PRKCA: variants seen among roughly 807,000 people sequenced by gnomAD.
PRKCA encodes protein kinase C alpha type.
In PRKCA, 27 loss-of-function variants were observed where a neutral mutation model predicts 87.0. The ratio of observed to expected loss-of-function variants is 0.31; its 90% CI spans 0.23 to 0.43. The LOEUF is 0.43. Ranked by LOEUF, PRKCA falls within the 20% of genes least tolerant of loss-of-function variation. The pLI, the probability that PRKCA is intolerant of heterozygous loss-of-function variation, is 1.00. For missense variants in PRKCA, 518 were observed against 852.3 expected (o/e 0.61, Z 4.88); for synonymous variants, 329 against 311.1 (o/e 1.06, Z -0.61).
chr17:66,342,441 AAATAATAATAATAATAATAATAAT>A (rs199510095), intron 2 of PRKCA, among the ~76,000 whole-genome samples: 6 of 142,978 alleles, frequency 4.2e-5, no homozygotes, highest in African/African-American at 7.6e-5. Context: ...AAAATAAAAT[AAATAATAATAATAATAATAATAAT>A]AATAATAATA....
In PRKCA at chr17:66,739,940, C is replaced by T. The variant is rs534651843; in HGVS notation, c.1322+1085C>T. Reference sequence around the variant, plus strand: ...TGAAAGGAAATGGTAGAGGCTGGTGCAGGCGCTGGTGAGACCCTTTATAGA... The same window carrying T: ...TGAAAGGAAATGGTAGAGGCTGGTGTAGGCGCTGGTGAGACCCTTTATAGA... On this transcript the variant is annotated intron_variant, in intron 11 of 16. Transcript: ENST00000413366. Among the ~76,000 whole-genome samples the T allele has an allele frequency of 2.0e-5, 3 of 152,110 alleles. No homozygotes were observed. In the South Asian group the frequency reaches 6.2e-4, roughly 32 times the overall value.
At chr17:66,662,111 G>A (rs1230730649) in intron 5 of PRKCA, among the ~76,000 whole-genome samples, 1 of 152,234 alleles carries the variant, frequency 6.6e-6, no homozygotes, top group Non-Finnish European at 1.5e-5. Context: ...GAAGAGAAAA[G>A]CAAGGTACCT....
chr17:66,753,218 A>G (rs1256807456), intron 13 of PRKCA, among the ~76,000 whole-genome samples: 1 of 152,138 alleles, frequency 6.6e-6, no homozygotes. Flanking sequence ...ATAGGGTTAG[A>G]GTCTGCAGGG....
intron 2 of PRKCA, among the ~76,000 whole-genome samples, chr17:66,387,291 G>A (rs1320804519): frequency 1.3e-5 from 2 of 152,236 alleles, no homozygotes; most frequent in African/African-American, 2.4e-5. Flanking sequence ...GGGCAGAAAA[G>A]TTGAGATTTC....
At chr17:66,640,407 T>C (rs185866711) in intron 3 of PRKCA, among the ~76,000 whole-genome samples, 19 of 152,348 alleles carry the variant, frequency 1.2e-4, no homozygotes, top group Admixed American at 2.6e-4. Flanking sequence ...TTTGGTGCTC[T>C]ATGTGGTATG....
In PRKCA at chr17:66,453,840, G is replaced by A. The variant is rs1211477496; in HGVS notation, c.206-42361G>A. Among the ~76,000 whole-genome samples, 3 of 152,176 alleles carry A rather than the reference G, an allele frequency of 2.0e-5. No homozygotes were observed. The East Asian group carries it at 5.8e-4, about 29-fold the overall frequency. On this transcript the variant is annotated intron_variant, in intron 2 of 16. Transcript: ENST00000413366. Reference sequence around the variant, plus strand: ...TTAAGGTTTTAAGTGTGACCATTTAGCTTACATGCAAGTCAGAATACTTTG... The same window carrying A: ...TTAAGGTTTTAAGTGTGACCATTTAACTTACATGCAAGTCAGAATACTTTG...
chr17:66,349,519 C>T (rs1022555259), intron 2 of PRKCA, among the ~76,000 whole-genome samples: 1 of 152,144 alleles, frequency 6.6e-6, no homozygotes, highest in African/African-American at 2.4e-5. Flanking sequence ...TTTCCTCTCT[C>T]CTTCTGGCTT....
intron 3 of PRKCA, among the ~76,000 whole-genome samples, chr17:66,587,928 TATATC>T (rs1969673433): frequency 7.8e-6 from 1 of 128,934 alleles, no homozygotes; most frequent in Non-Finnish European, 1.6e-5. Flanking sequence ...TATATATATA[TATATC>T]CTGCAGTAGC....
At chr17:66,355,709 C>A (rs1908005920) in intron 2 of PRKCA, among the ~76,000 whole-genome samples, 1 of 152,062 alleles carries the variant, frequency 6.6e-6, no homozygotes, top group Non-Finnish European at 1.5e-5. Flanking sequence ...TTCATAACAG[C>A]AAAAACATTG....
chr17:66,478,606 C>T (rs941991886), intron 2 of PRKCA, among the ~76,000 whole-genome samples: 5 of 152,052 alleles, frequency 3.3e-5, no homozygotes, highest in Non-Finnish European at 7.3e-5. Context: ...TAGGATCTTG[C>T]ATTGCAATAG....
intron 3 of PRKCA, among the ~76,000 whole-genome samples, chr17:66,513,009 ATTAC>A (rs1468264791): frequency 6.6e-6 from 1 of 152,106 alleles, no homozygotes; most frequent in African/African-American, 2.4e-5. Context: ...ATTATTTTCT[ATTAC>A]TTTATGCACT....
chr17:66,781,982 C>T (rs772212491), intron 14 of PRKCA, among the ~76,000 whole-genome samples: 10 of 151,310 alleles, frequency 6.6e-5, no homozygotes, highest in African/African-American at 2.2e-4. Context: ...GGTGCAATCT[C>T]GGCTCACCGC....
Position 66,485,816 on chromosome 17 carries a change from C to T in PRKCA, c.206-10385C>T, listed in dbSNP as rs530986844. Among the ~76,000 whole-genome samples, 5 of 152,234 alleles carry T rather than the reference C, an allele frequency of 3.3e-5. No individual in the cohort carries two copies. The East Asian group carries it at 9.7e-4, about 29-fold the overall frequency. ...ACAGTCCCAAAGCCGAGTCCAGCCT[C>T]CTTAGCTCCTTGCAACTCACACTCA... On this transcript the variant is annotated intron_variant, in intron 2 of 16. Transcript: ENST00000413366.
rs1413037789 is a variant in PRKCA at position 66,809,598 on chromosome 17, C to T, written c.*5561C>T. On this transcript the variant is annotated 3_prime_UTR_variant, in exon 17 of 17. Transcript: ENST00000413366. Reference sequence around the variant, plus strand: ...CTTAGCCTGGGTCAGCTGGAGCACCCCCGACCTGATCTCCCACTGCCAGAT... The same window carrying T: ...CTTAGCCTGGGTCAGCTGGAGCACCTCCGACCTGATCTCCCACTGCCAGAT... 6.6e-6 allele frequency: 1 copy of T among 152,092 alleles called. No individual in the cohort carries two copies. The highest frequency in any genetic ancestry group is 2.4e-5 in the African/African-American group (1 of 41,404). 9.4% of individuals were successfully genotyped at this position (152,092 alleles called of 1,614,324 possible).
At position 66,302,734 on chromosome 17, in the gene PRKCA, G is replaced by A; in HGVS notation, c.-118G>A. ...CCCCTCGCCGCGACCTCGGCCACCG[G>A]CCCGCGCCCCGCGCCCGGGGTCGCC... On this transcript the variant is annotated 5_prime_UTR_variant, in exon 1 of 17. Coordinates refer to ENST00000413366, the MANE Select transcript of PRKCA (RefSeq NM_002737.3). 2 of 736,136 alleles carry A rather than the reference G, an allele frequency of 2.7e-6. No homozygotes were observed. Among genetic ancestry groups the A allele is most frequent in the Non-Finnish European group, 3.4e-6 (2 of 593,892 alleles). The allele number at this position is 736,136 out of a possible 1,614,324, so 45.6% of individuals were successfully genotyped here. A position where few individuals can be genotyped will look rare whatever the true frequency, so the allele number is the denominator to read the frequency against.
intron 2 of PRKCA, among the ~76,000 whole-genome samples, chr17:66,439,401 C>T (rs568539802): frequency 1.7e-3 from 262 of 152,248 alleles, no homozygotes; most frequent in Non-Finnish European, 2.6e-3. Flanking sequence ...AGGCTGGTCT[C>T]GAACTCCTGA....
intron 2 of PRKCA, among the ~76,000 whole-genome samples, chr17:66,431,794 G>A (rs189251990): frequency 6.6e-6 from 1 of 152,194 alleles, no homozygotes; most frequent in East Asian, 1.9e-4. Context: ...TCCCTCTTCC[G>A]CACATCATTT....
At chr17:66,659,185 C>T (rs1352405258) in intron 5 of PRKCA, among the ~76,000 whole-genome samples, 1 of 151,958 alleles carries the variant, frequency 6.6e-6, no homozygotes, top group Non-Finnish European at 1.5e-5. Context: ...ATAAGTGTGC[C>T]CCTTCGTGAG....
chr17:66,564,428 G>A (rs1237721389), intron 3 of PRKCA, among the ~76,000 whole-genome samples: 1 of 152,218 alleles, frequency 6.6e-6, no homozygotes, highest in Non-Finnish European at 1.5e-5. Flanking sequence ...ATTACCTACA[G>A]CTCACATAAT....
Sources: gnomAD v4.1 joint callset for allele counts (sites outside exome capture counted in the v4.1 genomes callset) on GRCh38, gnomAD v4.1.1 for gene constraint, MANE v1.5 for transcripts, NCBI Gene and HGNC (gene_info 2026-07-23, HGNC 2026-07-21) for gene names.